The following PTPN23 variants were observed in gnomAD, a reference collection of about 807,000 sequenced individuals.
PTPN23 encodes tyrosine-protein phosphatase non-receptor type 23.
Under a neutral mutation model 156.3 loss-of-function variants are expected in PTPN23, and 72 were observed. That is an observed-to-expected ratio of 0.46 (90% CI 0.38 to 0.56). The LOEUF (loss-of-function observed/expected upper bound fraction) is 0.56. Among genes scored for constraint, PTPN23 ranks in the 20% least tolerant of loss-of-function variants. The pLI, the probability that PTPN23 is intolerant of heterozygous loss-of-function variation, is 0.00. For synonymous variants in PTPN23, 957 were observed against 899.6 expected, an observed-to-expected ratio of 1.06 and a Z score of -1.14; for missense variants, 1,974 against 2,171.5, an observed-to-expected ratio of 0.91 and a Z score of 1.81.
intron 2 of PTPN23, among the ~76,000 whole-genome samples, chr3:47,401,382 T>C (rs1704991256): frequency 6.6e-6 from 1 of 152,080 alleles, no homozygotes; most frequent in African/African-American, 2.4e-5. Context: ...AATTTTTGTA[T>C]TTTTTGTAGA....
rs760607218 is a variant in PTPN23, at chr3:47,406,051, G to A, written c.546+5G>A. On this transcript the variant is annotated splice_donor_5th_base_variant and intron_variant, in intron 6 of 24. Coordinates refer to ENST00000265562, the MANE Select transcript of PTPN23 (RefSeq NM_015466.4). The surrounding 1 kb of genome is among the most constrained non-coding windows in gnomAD (Gnocchi z 5.8). ...CTCAACGTCAACCTCATGCTGGTGA[G>A]GAGGCGCCCTGGTTGGAGTGGAGTT... 5 of 1,611,532 alleles carry A rather than the reference G, an allele frequency of 3.1e-6. No homozygotes were observed. In the Admixed American group the frequency reaches 5.0e-5, roughly 16 times the overall value.
rs1705344798 is a variant in PTPN23 at position 47,412,598 on chromosome 3, C to T, written c.4402C>T (p.Pro1468Ser). ...CCATGGTGTGCCTCCTCCATGCAAA[C>T]CCTTGGCCAGTGCAAGCATCAGCCA... ...QRHGVPPPCK[P>S]LASASISQKN... The change falls in exon 24 of 25, where the codon CCC becomes TCC. Residue 1468 changes from proline (P) to serine (S), a missense_variant. By Grantham distance (74) the Pro-to-Ser change is moderately conservative. Coordinates refer to ENST00000265562, the MANE Select transcript of PTPN23 (RefSeq NM_015466.4). 2.5e-6 allele frequency: 4 copies of T among 1,613,678 alleles called. No individual in the cohort carries two copies. Among genetic ancestry groups the T allele is most frequent in the African/African-American group, 1.3e-5 (1 of 75,048 alleles).
intron 15 of PTPN23, 104 bp downstream of exon 15, chr3:47,408,594 G>A: frequency 6.7e-7 from 1 of 1,500,308 alleles, no homozygotes; most frequent in Non-Finnish European, 9.0e-7. Flanking sequence ...CACCCCTCTA[G>A]GCCCTGGCTT....
chr3:47,393,025 G>T (rs1246566842), intron 1 of PTPN23, among the ~76,000 whole-genome samples: 2 of 152,074 alleles, frequency 1.3e-5, no homozygotes, highest in African/African-American at 4.8e-5. Flanking sequence ...GTAGAGATGG[G>T]ATTTATTGTT....
Position 47,407,202 on chromosome 3 carries a change from G to C in PTPN23, c.864+16G>C, listed in dbSNP as rs766480119. Reference sequence around the variant, plus strand: ...GTTGGCCAAGGTAAAGCTGAGGAAGGCCTGGCTGCCCTGAGGGTATAGGAG... The same window carrying C: ...GTTGGCCAAGGTAAAGCTGAGGAAGCCCTGGCTGCCCTGAGGGTATAGGAG... On this transcript the variant is annotated intron_variant, in intron 10 of 24. Transcript: ENST00000265562. The surrounding 1 kb of genome is among the most constrained non-coding windows in gnomAD (Gnocchi z 4.0). The C allele has an allele frequency of 6.2e-7, 1 of 1,614,032 alleles. No homozygotes were observed. Among genetic ancestry groups the C allele is most frequent in the Admixed American group, 1.7e-5 (1 of 60,000 alleles).
At position 47,407,662 on chromosome 3, in the gene PTPN23, C is replaced by T. The variant is rs1019993054; in HGVS notation, c.1004-35C>T. ...ACAGGAGGCTGCCTCAAGGACTCTGCGTGGGCCTGATCTCCACAATTCCCA... is the reference window on the plus strand; with the variant it reads ...ACAGGAGGCTGCCTCAAGGACTCTGTGTGGGCCTGATCTCCACAATTCCCA... On this transcript the variant is annotated intron_variant, in intron 12 of 24. Transcript: ENST00000265562. This position sits in a 1 kb window ranked among gnomAD's most constrained non-coding sequence, Gnocchi z 4.0. 8 of 1,607,032 alleles carry T rather than the reference C, an allele frequency of 5.0e-6. No individual in the cohort carries two copies. The highest frequency in any genetic ancestry group is 4.0e-5 in the African/African-American group (3 of 74,742).
At position 47,411,121 on chromosome 3, in the gene PTPN23, C is replaced by T. The variant is rs770571270; in HGVS notation, c.3323C>T (p.Pro1108Leu). 3 of 1,602,756 alleles carry T rather than the reference C, an allele frequency of 1.9e-6. No individual in the cohort carries two copies. Among genetic ancestry groups the T allele is most frequent in the Non-Finnish European group, 2.6e-6 (3 of 1,175,944 alleles). The change falls in exon 20 of 25, where the codon CCT becomes CTT. Residue 1108 changes from proline to leucine, a missense_variant. Pro to Leu is a moderately conservative substitution (Grantham distance 98). Around this residue, in one of 4 missense-constraint regions of PTPN23, gnomAD observed 731 missense variants for 669.1 expected, o/e 1.09. Transcript: ENST00000265562. This position sits in a 1 kb window ranked among gnomAD's most constrained non-coding sequence, Gnocchi z 6.3. The stretch of plus-strand genomic sequence containing the variant: ...CGCCCCCCAGCAGCAGAACCACCCC[C>T]TTGCCTGCGCCGAGGCGCCGCAGCT... Reference protein sequence around the residue: ...PPRPPAAEPPPCLRRGAAAAD... With the variant: ...PPRPPAAEPPLCLRRGAAAAD...
intron 1 of PTPN23, among the ~76,000 whole-genome samples, chr3:47,391,134 G>C (rs1704764797): frequency 1.3e-5 from 2 of 152,182 alleles, no homozygotes; most frequent in Non-Finnish European, 2.9e-5. Flanking sequence ...CTTCTTGGAA[G>C]GCTGAGGCAG....
rs759389182 is a variant in PTPN23, at chr3:47,411,873, G to A, written c.3979G>A (p.Glu1327Lys). Residue 1327 changes from glutamate (E) to lysine (K), a missense_variant, in exon 21 of 25, where the codon GAA becomes AAA. Physicochemically the swap from Glu to Lys is moderately conservative, Grantham distance 56. Around this residue, in one of 4 missense-constraint regions of PTPN23, gnomAD observed 484 missense variants for 516.0 expected, o/e 0.94. Coordinates refer to ENST00000265562, the MANE Select transcript of PTPN23 (RefSeq NM_015466.4). This position sits in a 1 kb window ranked among gnomAD's most constrained non-coding sequence, Gnocchi z 6.3. ...SLALSSVRST[E>K]THVERVLSLQ... ...GGCATTGAGCAGCGTCCGCAGCACC[G>A]AAACCCATGTGGAGCGCGTGCTGAG... 1.9e-5 allele frequency: 31 copies of A among 1,613,046 alleles called. No homozygotes were observed. The highest frequency in any genetic ancestry group is 1.3e-4 in the Admixed American group (8 of 59,968).
Position 47,405,300 on chromosome 3 carries a change from G to A in PTPN23, c.364+219G>A. ...GGGGCGAGGCTCTACTGGGCTGGCTGCCACACAGAGTTGCCACTGTGTGCT... is the reference window on the plus strand; with the variant it reads ...GGGGCGAGGCTCTACTGGGCTGGCTACCACACAGAGTTGCCACTGTGTGCT... On this transcript the variant is annotated intron_variant, in intron 4 of 24. Transcript: ENST00000265562. This position sits in a 1 kb window ranked among gnomAD's most constrained non-coding sequence, Gnocchi z 4.7. 1.7e-6 allele frequency: 1 copy of A among 588,154 alleles called. No homozygotes were observed. The allele number at this position is 588,154 out of a possible 1,614,324, so 36.4% of individuals were successfully genotyped here.
chr3:47,384,109 GC>G (rs1704605215), intron 1 of PTPN23, among the ~76,000 whole-genome samples: 1 of 118,258 alleles, frequency 8.5e-6, no homozygotes, highest in Non-Finnish European at 1.7e-5. Context: ...GTAAGAGACA[GC>G]CTTTTTTTTT....
At position 47,413,240 on chromosome 3, in the gene PTPN23, T is replaced by C; in HGVS notation, c.*55T>C. 1.3e-6 allele frequency: 2 copies of C among 1,554,944 alleles called. No homozygotes were observed. Among genetic ancestry groups the C allele is most frequent in the East Asian group, 2.3e-5 (1 of 44,324 alleles). ...ACATCATCATCATCTCATGCCCACCTGCCCACACCCAGCAGAGCTTCTCAG... is the reference window on the plus strand; with the variant it reads ...ACATCATCATCATCTCATGCCCACCCGCCCACACCCAGCAGAGCTTCTCAG... On this transcript the variant is annotated 3_prime_UTR_variant, in exon 25 of 25. Coordinates refer to ENST00000265562, the MANE Select transcript of PTPN23 (RefSeq NM_015466.4).
Position 47,410,614 on chromosome 3 carries a change from C to T in PTPN23, c.2816C>T (p.Ser939Phe). ...CCCATCCCGGCACAGCACCACTTCTCTTCTGGGATCCCCGCAGGTTTTCCA... is the reference window on the plus strand; with the variant it reads ...CCCATCCCGGCACAGCACCACTTCTTTTCTGGGATCCCCGCAGGTTTTCCA... ...KQPIPAQHHF[S>F]SGIPAGFPAP... The change falls in exon 20 of 25, where the codon TCT (serine) becomes TTT (phenylalanine). Residue 939 changes from serine to phenylalanine, a missense_variant. This residue lies in a region of PTPN23 where 731 missense variants were observed against 669.1 expected (regional missense o/e 1.09). Transcript: ENST00000265562. 3 of 1,612,080 alleles carry T rather than the reference C, an allele frequency of 1.9e-6. No homozygotes were observed. Among genetic ancestry groups the T allele is most frequent in the Non-Finnish European group, 2.5e-6 (3 of 1,179,448 alleles).
chr3:47,397,784 C>T (rs866218548), intron 2 of PTPN23, among the ~76,000 whole-genome samples: 4 of 152,160 alleles, frequency 2.6e-5, no homozygotes, highest in Admixed American at 1.3e-4. Flanking sequence ...ATTCTCCTGT[C>T]TCAGCCTCCT....
chr3:47,398,223 C>T (rs555644034), intron 2 of PTPN23, among the ~76,000 whole-genome samples: 1 of 152,194 alleles, frequency 6.6e-6, no homozygotes, highest in South Asian at 2.1e-4. Context: ...TACTTGAACC[C>T]AGGAGGTGGA....
Position 47,405,962 on chromosome 3 carries a change from C to T in PTPN23, c.462C>T (p.Phe154=), listed in dbSNP as rs772744440. The T allele has an allele frequency of 5.0e-6, 8 of 1,613,894 alleles. No homozygotes were observed. The highest frequency in any genetic ancestry group is 3.3e-5 in the Admixed American group (2 of 60,020). The change falls in exon 6 of 25, where the codon TTC becomes TTT. Residue 154 remains phenylalanine (F), a synonymous_variant. Transcript: ENST00000265562. This position sits in a 1 kb window ranked among gnomAD's most constrained non-coding sequence, Gnocchi z 4.7. The stretch of plus-strand genomic sequence containing the variant: ...ATTTCCAGTGCGCAGCCGGCGCCTT[C>T]GCCTACCTACGGGAGCACTTCCCTC... ...CTHFQCAAGA[F]AYLREHFPQA... is the part of the protein sequence containing the mutation.
Position 47,390,954 on chromosome 3 carries a change from T to TA in PTPN23, c.85-5181dup, listed in dbSNP as rs960946662. On this transcript the variant is annotated intron_variant, in intron 1 of 24. Transcript: ENST00000265562. ...TAGTGAGACTCCCATCTCTATAAAA[T>TA]AAAAAAAAGTTTGGGCGTGATGGCT... Among the ~76,000 whole-genome samples, 16 of 151,918 alleles carry TA rather than the reference T, an allele frequency of 1.1e-4. 2 individuals are homozygous for TA. The highest frequency in any genetic ancestry group is 6.6e-4 in the Admixed American group (10 of 15,238).
chr3:47,399,899 C>CT (rs1704957871), intron 2 of PTPN23, among the ~76,000 whole-genome samples: 1 of 152,206 alleles, frequency 6.6e-6, no homozygotes, highest in African/African-American at 2.4e-5. Context: ...ATTGCAACGT[C>CT]TGCCTCCTGG....
At chr3:47,412,001 C>CT (rs773962181) in intron 21 of PTPN23, 34 bp downstream of exon 21, 4 of 1,605,870 alleles carry the variant, frequency 2.5e-6, no homozygotes, top group East Asian at 2.2e-5. Context: ...GGTTGGGGGT[C>CT]TAAGTGCTGT....
Sources: allele counts gnomAD v4.1 joint callset (sites outside exome capture counted in the v4.1 genomes callset), GRCh38; gene constraint gnomAD v4.1.1; regional missense constraint gnomAD v4.1.1; non-coding constraint Gnocchi (gnomAD v3.1); transcripts MANE v1.5; gene names NCBI Gene and HGNC (gene_info 2026-07-23, HGNC 2026-07-21).